LRRIQ3: variants seen among roughly 807,000 people sequenced by gnomAD.
LRRIQ3 encodes leucine rich repeats and IQ motif containing 3.
LRRIQ3 carries 75 observed loss-of-function variants against 59.3 expected under a neutral mutation model. The ratio of observed to expected loss-of-function variants is 1.26; its 90% CI spans 1.05 to 1.53. The LOEUF (loss-of-function observed/expected upper bound fraction) is 1.53, where lower values mean the gene tolerates loss of function less well. LRRIQ3 is among the 40% of genes most tolerant of loss of function. LRRIQ3 has a pLI of 0.00. For missense variants in LRRIQ3, 831 were observed against 710.0 expected (o/e 1.17, Z -1.94); for synonymous variants, 250 against 231.3 (o/e 1.08, Z -0.73).
intron 6 of LRRIQ3, among the ~76,000 whole-genome samples, chr1:74,046,783 G>A (rs1451886966): frequency 2.6e-5 from 4 of 152,152 alleles, no homozygotes; most frequent in African/African-American, 9.6e-5. Context: ...TCAAAAAGTG[G>A]GCAAAGGATA....
intron 4 of LRRIQ3, among the ~76,000 whole-genome samples, chr1:74,143,925 A>G (rs1570199742): frequency 6.6e-6 from 1 of 152,002 alleles, no homozygotes; most frequent in East Asian, 1.9e-4. Flanking sequence ...AATGAGACTA[A>G]TCATTTCCTG....
chr1:74,057,912 C>T (rs1654586635), intron 6 of LRRIQ3, among the ~76,000 whole-genome samples: 1 of 151,966 alleles, frequency 6.6e-6, no homozygotes, highest in African/African-American at 2.4e-5. Context: ...TAGTCAAAAT[C>T]CCTGACTAGA....
intron 6 of LRRIQ3, among the ~76,000 whole-genome samples, chr1:74,046,995 G>A (rs989658096): frequency 1.4e-4 from 21 of 152,184 alleles, no homozygotes; most frequent in African/African-American, 5.1e-4. Flanking sequence ...CTTTTACACT[G>A]TTGGTGGAAG....
chr1:74,127,537 C>G lies in LRRIQ3; in HGVS notation c.708-17984G>C, dbSNP rs147766265. Among the ~76,000 whole-genome samples, 898 of 151,836 alleles carry G rather than the reference C, an allele frequency of 5.9e-3. 2 individuals are homozygous for G. Among genetic ancestry groups the G allele is most frequent in the Middle Eastern group, 0.024 (7 of 294 alleles). Reference sequence around the variant, plus strand: ...GACCCTTGCAAATGATATTCTATAACTCATTATTTTAAACTGATGACTTAA... The same window carrying G: ...GACCCTTGCAAATGATATTCTATAAGTCATTATTTTAAACTGATGACTTAA... On this transcript the variant is annotated intron_variant, in intron 4 of 7. Coordinates refer to ENST00000354431, the MANE Select transcript of LRRIQ3 (RefSeq NM_001105659.2).
At chr1:74,049,217 C>T (rs975905952) in intron 6 of LRRIQ3, among the ~76,000 whole-genome samples, 2 of 152,128 alleles carry the variant, frequency 1.3e-5, no homozygotes, top group East Asian at 1.9e-4. Context: ...GTGCTGGAGA[C>T]GCTCACAGAG....
chr1:74,126,008 C>T (rs1240972486), intron 4 of LRRIQ3, among the ~76,000 whole-genome samples: 2 of 151,662 alleles, frequency 1.3e-5, no homozygotes, highest in Admixed American at 1.3e-4. Flanking sequence ...AGGAGACTTC[C>T]TATTACAGCT....
At chr1:74,164,559 C>T (rs1350654003) in intron 3 of LRRIQ3, among the ~76,000 whole-genome samples, 1 of 151,390 alleles carries the variant, frequency 6.6e-6, no homozygotes, top group Non-Finnish European at 1.5e-5. Flanking sequence ...TATGGCAGCC[C>T]TAGCAAACAA....
chr1:74,084,505 T>C (rs1388317778), intron 5 of LRRIQ3, among the ~76,000 whole-genome samples: 2 of 151,790 alleles, frequency 1.3e-5, no homozygotes, highest in African/African-American at 4.8e-5. Flanking sequence ...CCCAAATATT[T>C]TTCTTGTGAA....
At chr1:74,194,718 C>A (rs1650989082) in intron 1 of LRRIQ3, among the ~76,000 whole-genome samples, 1 of 152,126 alleles carries the variant, frequency 6.6e-6, no homozygotes, top group Admixed American at 6.5e-5. Flanking sequence ...GAAATCACAA[C>A]CTCTTAATAA....
Position 74,110,969 on chromosome 1 carries a change from A to G in LRRIQ3, c.708-1416T>C, listed in dbSNP as rs546819914. On this transcript the variant is annotated intron_variant, in intron 4 of 7. Transcript: ENST00000354431. Reference sequence around the variant, plus strand: ...CTAGCCCATGGAATAAGGAAACGTGAAAACAAAGGGGGAGCAATAACAATT... The same window carrying G: ...CTAGCCCATGGAATAAGGAAACGTGGAAACAAAGGGGGAGCAATAACAATT... Among the ~76,000 whole-genome samples the G allele has an allele frequency of 3.3e-5, 5 of 152,198 alleles. No homozygotes were observed. In the South Asian group the frequency reaches 1.0e-3, roughly 32 times the overall value.
At chr1:74,183,364 A>G in intron 2 of LRRIQ3, 72 bp downstream of exon 2, 1 of 1,270,608 alleles carries the variant, frequency 7.9e-7, no homozygotes, top group Non-Finnish European at 1.1e-6. Context: ...TACTGTGGAT[A>G]GGTAACATAA....
At chr1:74,183,072 A>C (rs1445431607) in intron 2 of LRRIQ3, 1 of 364,420 alleles carries the variant, frequency 2.7e-6, no homozygotes, top group African/African-American at 2.1e-5. Flanking sequence ...TTATTCGCAT[A>C]GTAAAATGCA....
Position 74,077,535 on chromosome 1 carries a change from A to G in LRRIQ3, c.868-2745T>C, listed in dbSNP as rs373767773. ...GTTAATTTATAAACTCATGAAACGT[A>G]AAGGGTCAGAAATTAAGTAGACAGC... On this transcript the variant is annotated intron_variant, in intron 5 of 7. Coordinates refer to ENST00000354431, the MANE Select transcript of LRRIQ3 (RefSeq NM_001105659.2). Among the ~76,000 whole-genome samples, 6 of 152,074 alleles carry G rather than the reference A, an allele frequency of 3.9e-5. No homozygotes were observed. In the East Asian group the frequency reaches 7.7e-4, roughly 20 times the overall value.
chr1:74,101,556 T>C (rs778508511), intron 5 of LRRIQ3, among the ~76,000 whole-genome samples: 1 of 152,232 alleles, frequency 6.6e-6, no homozygotes, highest in Admixed American at 6.5e-5. Flanking sequence ...ATCCCATTAC[T>C]GGGTATATAC....
At chr1:74,120,238 C>T (rs1646834267) in intron 4 of LRRIQ3, among the ~76,000 whole-genome samples, 1 of 151,826 alleles carries the variant, frequency 6.6e-6, no homozygotes, top group African/African-American at 2.4e-5. Flanking sequence ...CTGCCTCAGC[C>T]TCCTGAGTAG....
At chr1:74,178,472 A>G (rs547138693) in intron 3 of LRRIQ3, among the ~76,000 whole-genome samples, 1 of 152,152 alleles carries the variant, frequency 6.6e-6, no homozygotes, top group Non-Finnish European at 1.5e-5. Flanking sequence ...TTACTTTTAA[A>G]TAGTTTTTGG....
chr1:74,048,411 T>G (rs888527696), intron 6 of LRRIQ3, among the ~76,000 whole-genome samples: 2 of 152,180 alleles, frequency 1.3e-5, no homozygotes, highest in Non-Finnish European at 2.9e-5. Flanking sequence ...TTGGGTCTCA[T>G]ATCTCAATTT....
At chr1:74,134,216 A>T (rs1216746179) in intron 4 of LRRIQ3, among the ~76,000 whole-genome samples, 1 of 152,074 alleles carries the variant, frequency 6.6e-6, no homozygotes, top group Non-Finnish European at 1.5e-5. Flanking sequence ...CCATTTTAAG[A>T]CTAGAAATTC....
intron 4 of LRRIQ3, among the ~76,000 whole-genome samples, chr1:74,142,165 G>C (rs1351691828): frequency 3.3e-5 from 5 of 151,958 alleles, no homozygotes; most frequent in African/African-American, 1.2e-4. Context: ...TCGAAAGACT[G>C]GGGTTGAATT....
Sources: gnomAD v4.1 joint callset for allele counts (sites outside exome capture counted in the v4.1 genomes callset) on GRCh38, gnomAD v4.1.1 for gene constraint, MANE v1.5 for transcripts, NCBI Gene and HGNC (gene_info 2026-07-23, HGNC 2026-07-21) for gene names.